Variants in TOX3 observed in about 807,000 individuals in gnomAD.
TOX3 encodes the protein CAG trinucleotide repeat-containing gene F9 protein.
TOX3 carries 22 observed loss-of-function variants against 64.3 expected under a neutral mutation model. The observed-to-expected ratio is 0.34, with a 90% CI of 0.24 to 0.49. The LOEUF (loss-of-function observed/expected upper bound fraction) is 0.49, where lower values mean the gene tolerates loss of function less well. TOX3 is among the 20% of genes least tolerant of loss of function. TOX3 has a pLI of 0.99. For synonymous variants in TOX3, 291 were observed against 273.6 expected (o/e 1.06, Z -0.63); for missense variants, 661 against 714.4 (o/e 0.93, Z 0.85).
chr16:52,474,728 G>A (rs1364540961), intron 1 of TOX3, among the ~76,000 whole-genome samples: 2 of 151,796 alleles, frequency 1.3e-5, no homozygotes, highest in Non-Finnish European at 2.9e-5. Flanking sequence ...AGGGAAGGAA[G>A]AAAAGAACTA....
intron 1 of TOX3, 96 bp from the exon 2 acceptor site, chr16:52,468,670 A>G (rs1960940256): frequency 3.2e-6 from 3 of 940,374 alleles, no homozygotes; most frequent in Non-Finnish European, 5.0e-6. Context: ...AATAAAAGAG[A>G]GTTTTATCAG....
chr16:52,478,654 A>G (rs760854278), intron 1 of TOX3, among the ~76,000 whole-genome samples: 6 of 152,210 alleles, frequency 3.9e-5, no homozygotes, highest in Non-Finnish European at 8.8e-5. Flanking sequence ...TGTTGAATGC[A>G]TAAGTGAATG....
intron 1 of TOX3, among the ~76,000 whole-genome samples, chr16:52,545,531 G>A (rs1485385502): frequency 6.6e-6 from 1 of 152,156 alleles, no homozygotes; most frequent in African/African-American, 2.4e-5. Context: ...CATTAGTTTT[G>A]TTTAGCACCT....
chr16:52,491,951 G>A (rs1000228125), intron 1 of TOX3, among the ~76,000 whole-genome samples: 3 of 151,952 alleles, frequency 2.0e-5, no homozygotes, highest in African/African-American at 4.8e-5. Context: ...AGCTGCGCTC[G>A]GGGCTACACA....
chr16:52,470,520 C>T (rs1961012391), intron 1 of TOX3, among the ~76,000 whole-genome samples: 1 of 151,956 alleles, frequency 6.6e-6, no homozygotes, highest in Admixed American at 6.6e-5. Flanking sequence ...AAACTAAAGG[C>T]CTAAACAATT....
At chr16:52,527,576 A>C (rs1307500468) in intron 1 of TOX3, among the ~76,000 whole-genome samples, 1 of 152,204 alleles carries the variant, frequency 6.6e-6, no homozygotes, top group Non-Finnish European at 1.5e-5. Context: ...GAGATGGAAA[A>C]AGAAAACATC....
chr16:52,540,292 A>T (rs897119063), intron 1 of TOX3, among the ~76,000 whole-genome samples: 1 of 148,498 alleles, frequency 6.7e-6, no homozygotes, highest in African/African-American at 2.5e-5. Context: ...AGGCCTGAGT[A>T]GCTGGGACCA....
intron 1 of TOX3, among the ~76,000 whole-genome samples, chr16:52,473,582 C>A (rs567159810): frequency 1.8e-4 from 28 of 152,274 alleles, no homozygotes; most frequent in African/African-American, 5.3e-4. Context: ...TAACTACCCC[C>A]TGGAAGAGAA....
intron 4 of TOX3, among the ~76,000 whole-genome samples, chr16:52,446,565 C>T (rs907164651): frequency 6.6e-5 from 10 of 152,166 alleles, no homozygotes; most frequent in African/African-American, 2.4e-4. Flanking sequence ...TTTATATCTT[C>T]AGAGGTTTTA....
intron 1 of TOX3, among the ~76,000 whole-genome samples, chr16:52,534,267 CAAAG>C (rs1226747278): frequency 1.3e-5 from 2 of 152,042 alleles, no homozygotes; most frequent in Non-Finnish European, 2.9e-5. Context: ...AATACAACAG[CAAAG>C]AAAGGGGGCA....
At chr16:52,461,228 T>A (rs548769078) in intron 3 of TOX3, among the ~76,000 whole-genome samples, 3 of 152,258 alleles carry the variant, frequency 2.0e-5, no homozygotes, top group Non-Finnish European at 4.4e-5. Flanking sequence ...TTAACCAAAA[T>A]ATACTGTTGA....
At position 52,444,299 on chromosome 16, in the gene TOX3, A is replaced by T. The variant is rs1397711483; in HGVS notation, c.964T>A (p.Tyr322Asn). ...KKEYLKALAA[Y>N]RASLVSKAAA... ...ACCTTAGAAACGAGGCTGGCCCTGT[A>T]TGCCGCCAGGGCCTTCAGGTATTCT... The change falls in exon 6 of 7, where the codon TAC (tyrosine) becomes AAC (asparagine). Residue 322 changes from tyrosine (Y) to asparagine (N), a missense_variant. Tyr to Asn is a moderately radical substitution (Grantham distance 143). Around this residue, in one of 3 missense-constraint regions of TOX3, gnomAD observed 103 missense variants for 161.2 expected, o/e 0.64. Transcript: ENST00000219746. 1 of 1,587,342 alleles carries T rather than the reference A, an allele frequency of 6.3e-7. No individual in the cohort carries two copies. The highest frequency in any genetic ancestry group is 1.2e-5 in the South Asian group (1 of 86,586).
At position 52,437,690 on chromosome 16, in the gene TOX3, A is replaced by G. The variant is rs1567305082; in HGVS notation, c.*1535T>C. Among the ~76,000 whole-genome samples the G allele has an allele frequency of 2.6e-5, 4 of 151,678 alleles. No individual in the cohort carries two copies. Among genetic ancestry groups the G allele is most frequent in the African/African-American group, 4.8e-5 (2 of 41,266 alleles). ...TTTGGCTTAAGAATTAGCATTCACC[A>G]TCTATTTTAATCGCAATAACATTAC... On this transcript the variant is annotated 3_prime_UTR_variant, in exon 7 of 7. Coordinates refer to ENST00000219746, the MANE Select transcript of TOX3 (RefSeq NM_001080430.4).
intron 1 of TOX3, among the ~76,000 whole-genome samples, chr16:52,499,271 T>A (rs183739278): frequency 3.2e-4 from 49 of 152,338 alleles, no homozygotes; most frequent in Admixed American, 2.7e-3. Flanking sequence ...GCTGCTCAAA[T>A]GAAGCCAGGC....
At position 52,439,759 on chromosome 16, in the gene TOX3, T is replaced by A. The variant is rs761679980; in HGVS notation, c.1197A>T (p.Thr399=). The A allele has an allele frequency of 3.1e-6, 5 of 1,613,968 alleles. No individual in the cohort carries two copies. The highest frequency in any genetic ancestry group is 3.4e-6 in the Non-Finnish European group (4 of 1,179,882). Residue 399 remains threonine (T), a synonymous_variant, in exon 7 of 7, where the codon ACA becomes ACT. Transcript: ENST00000219746. ...TMRLPMNQIV[T]SVTIAANMPS... is the part of the protein sequence containing the mutation. ...GCATGTTGGCTGCAATGGTGACTGATGTGACAATCTGGTTCATGGGGAGTC... is the reference window on the plus strand; with the variant it reads ...GCATGTTGGCTGCAATGGTGACTGAAGTGACAATCTGGTTCATGGGGAGTC...
At chr16:52,515,038 A>G (rs1241163027) in intron 1 of TOX3, among the ~76,000 whole-genome samples, 1 of 145,894 alleles carries the variant, frequency 6.9e-6, no homozygotes, top group Non-Finnish European at 1.5e-5. Context: ...AAAAAAAAAA[A>G]GGACCCAAGA....
intron 1 of TOX3, among the ~76,000 whole-genome samples, chr16:52,490,626 A>ATTTCTTCTTTT (rs1961654934): frequency 1.0e-5 from 1 of 99,060 alleles, no homozygotes; most frequent in African/African-American, 4.3e-5. Flanking sequence ...CTAGGATGTA[A>ATTTCTTCTTTT]TTTTTTTTTT....
intron 1 of TOX3, among the ~76,000 whole-genome samples, chr16:52,522,501 T>C (rs1018643908): frequency 6.6e-6 from 1 of 152,186 alleles, no homozygotes; most frequent in African/African-American, 2.4e-5. Context: ...TCTTGCAGTC[T>C]CACACAAATG....
intron 3 of TOX3, among the ~76,000 whole-genome samples, chr16:52,460,486 A>G (rs182181726): frequency 7.6e-4 from 116 of 152,312 alleles, no homozygotes; most frequent in Non-Finnish European, 9.1e-4. Context: ...TTTTCATTCA[A>G]TCAGCACTAC....
Sources: gnomAD v4.1 joint callset for allele counts (sites outside exome capture counted in the v4.1 genomes callset) on GRCh38, gnomAD v4.1.1 for gene constraint, gnomAD v4.1.1 regional missense constraint, MANE v1.5 for transcripts, NCBI Gene and HGNC (gene_info 2026-07-23, HGNC 2026-07-21) for gene names.